Variants in GLIS1 observed in about 807,000 individuals in gnomAD.
GLIS1 encodes the protein GLIS family zinc finger 1, also known as zinc finger protein GLIS1.
A neutral mutation model predicts 63.8 loss-of-function variants in GLIS1; 24 were observed. The ratio of observed to expected loss-of-function variants is 0.38; its 90% CI spans 0.27 to 0.53. GLIS1 has a LOEUF of 0.53. Among genes scored for constraint, GLIS1 ranks in the 20% least tolerant of loss-of-function variants. GLIS1 has a pLI of 0.85. For missense variants in GLIS1, 1,036 were observed against 1,074.1 expected (o/e 0.96, Z 0.50); for synonymous variants, 450 against 482.5 (o/e 0.93, Z 0.88).
intron 2 of GLIS1, among the ~76,000 whole-genome samples, chr1:53,707,351 T>C (rs1233030869): frequency 6.6e-6 from 1 of 152,222 alleles, no homozygotes; most frequent in Non-Finnish European, 1.5e-5. Context: ...GGATTCTTGC[T>C]ATTAAAGAAA....
intron 2 of GLIS1, among the ~76,000 whole-genome samples, chr1:53,664,380 G>C (rs1646065372): frequency 1.3e-5 from 2 of 152,192 alleles, no homozygotes; most frequent in African/African-American, 4.8e-5. Context: ...CTGCTATATG[G>C]CAATGCTCAT....
intron 4 of GLIS1, among the ~76,000 whole-genome samples, chr1:53,554,547 A>C (rs1168117694): frequency 3.9e-5 from 6 of 152,132 alleles, no homozygotes; most frequent in Non-Finnish European, 7.4e-5. Flanking sequence ...CCAGGATTTG[A>C]CTCAAGTAGG....
intron 2 of GLIS1, among the ~76,000 whole-genome samples, chr1:53,631,389 A>G (rs1305369558): frequency 2.0e-5 from 3 of 152,198 alleles, no homozygotes; most frequent in Admixed American, 6.5e-5. Flanking sequence ...TAAGATCCCT[A>G]TGGCAGGGTT....
intron 2 of GLIS1, among the ~76,000 whole-genome samples, chr1:53,709,922 A>G (rs1646628790): frequency 6.6e-6 from 1 of 152,176 alleles, no homozygotes; most frequent in Non-Finnish European, 1.5e-5. Flanking sequence ...GGACAGGTAC[A>G]AAGGGACATG....
intron 2 of GLIS1, among the ~76,000 whole-genome samples, chr1:53,653,920 G>T (rs969981206): frequency 1.2e-4 from 19 of 152,208 alleles, no homozygotes; most frequent in African/African-American, 4.6e-4. Flanking sequence ...GTATCCACCT[G>T]GACCAGACCC....
chr1:53,619,245 C>CAG (rs753060342), intron 2 of GLIS1, among the ~76,000 whole-genome samples: 7 of 152,236 alleles, frequency 4.6e-5, no homozygotes, highest in Admixed American at 2.0e-4. Context: ...CACTGGGGCC[C>CAG]AGAGATGAGG....
intron 4 of GLIS1, among the ~76,000 whole-genome samples, chr1:53,555,171 T>A (rs766301362): frequency 3.9e-5 from 6 of 152,228 alleles, no homozygotes; most frequent in African/African-American, 1.2e-4. Context: ...CAGGCCACTC[T>A]GGTTCTGGAA....
At chr1:53,678,411 A>C (rs1484893253) in intron 2 of GLIS1, among the ~76,000 whole-genome samples, 2 of 151,862 alleles carry the variant, frequency 1.3e-5, no homozygotes, top group African/African-American at 2.4e-5. Context: ...ACAGATGAAG[A>C]AACTGAGGCT....
intron 2 of GLIS1, among the ~76,000 whole-genome samples, chr1:53,609,534 G>T (rs1206521781): frequency 6.6e-6 from 1 of 152,102 alleles, no homozygotes; most frequent in Non-Finnish European, 1.5e-5. Context: ...CTCCCAAAGT[G>T]TTGGGATTAC....
intron 4 of GLIS1, among the ~76,000 whole-genome samples, chr1:53,583,926 G>A (rs1415800194): frequency 2.0e-5 from 3 of 152,192 alleles, no homozygotes; most frequent in East Asian, 1.9e-4. Context: ...GGCAGTTTCC[G>A]AAGGAGGACC....
intron 2 of GLIS1, among the ~76,000 whole-genome samples, chr1:53,683,953 C>CT (rs1431604131): frequency 6.6e-6 from 1 of 152,118 alleles, no homozygotes; most frequent in Non-Finnish European, 1.5e-5. Context: ...TTTTATGGAG[C>CT]TCAGTTTCTT....
chr1:53,681,140 C>T (rs1195332194), intron 2 of GLIS1, among the ~76,000 whole-genome samples: 5 of 149,494 alleles, frequency 3.3e-5, no homozygotes, highest in African/African-American at 4.9e-5. Context: ...AAGAGGAAAA[C>T]TCCAGCACTC....
chr1:53,606,099 G>C (rs1420351839), intron 2 of GLIS1, among the ~76,000 whole-genome samples: 1 of 152,208 alleles, frequency 6.6e-6, no homozygotes, highest in Non-Finnish European at 1.5e-5. Context: ...CCAGCTCCAG[G>C]GGATGGCTGG....
chr1:53,506,457 G>T lies in GLIS1; in HGVS notation c.*162C>A. ...CTCAAGCTCGGATGGCGGCTCCCTG[G>T]CAGCGCTGGGTGGGGTGGCAGCGCT... On this transcript the variant is annotated 3_prime_UTR_variant, in exon 11 of 11. Coordinates refer to ENST00000628545, the MANE Select transcript of GLIS1 (RefSeq NM_001367484.1). 1 of 695,968 alleles carries T rather than the reference G, an allele frequency of 1.4e-6. No homozygotes were observed. The highest frequency in any genetic ancestry group is 2.4e-6 in the Non-Finnish European group (1 of 422,964). 43.1% of individuals were successfully genotyped at this position (695,968 alleles called of 1,614,324 possible).
At chr1:53,585,232 A>C (rs973457291) in intron 4 of GLIS1, among the ~76,000 whole-genome samples, 3 of 151,936 alleles carry the variant, frequency 2.0e-5, no homozygotes, top group Non-Finnish European at 4.4e-5. Context: ...GAGGTGGGGG[A>C]AGGAACAAGG....
intron 6 of GLIS1, among the ~76,000 whole-genome samples, chr1:53,522,132 T>C (rs1043611006): frequency 6.6e-6 from 1 of 152,260 alleles, no homozygotes; most frequent in Non-Finnish European, 1.5e-5. Context: ...AGCCAAGGCA[T>C]GTTCTTGTAG....
At chr1:53,636,295 G>A (rs1645720725) in intron 2 of GLIS1, among the ~76,000 whole-genome samples, 1 of 152,130 alleles carries the variant, frequency 6.6e-6, no homozygotes, top group Admixed American at 6.5e-5. Flanking sequence ...TTTAACATTA[G>A]AAAATCACTT....
rs746301706 is a variant in GLIS1 at position 53,553,933 on chromosome 1, G to A, written c.1321-23981C>T. ...CAGACAGTGTGCCTTGCTGACCAGC[G>A]GGAGGATTTGTCTGGAGGTTCTGGG... On this transcript the variant is annotated intron_variant, in intron 4 of 10. Coordinates refer to ENST00000628545, the MANE Select transcript of GLIS1 (RefSeq NM_001367484.1). Among the ~76,000 whole-genome samples the A allele has an allele frequency of 3.3e-5, 5 of 152,136 alleles. 1 individual carries two copies. In the East Asian group the frequency reaches 7.7e-4, roughly 23 times the overall value.
intron 6 of GLIS1, among the ~76,000 whole-genome samples, chr1:53,522,986 C>CTTTTTCTTT (rs760283252): frequency 0.12 from 5,289 of 43,438 alleles, 641 homozygotes; most frequent in African/African-American, 0.22. Flanking sequence ...TCTTTTCTTT[C>CTTTTTCTTT]TTTTTTTTTT....
Sources: allele counts gnomAD v4.1 joint callset (sites outside exome capture counted in the v4.1 genomes callset), GRCh38; gene constraint gnomAD v4.1.1; transcripts MANE v1.5; gene names NCBI Gene and HGNC (gene_info 2026-07-23, HGNC 2026-07-21).